The following RRAS2 variants were observed in gnomAD, a reference collection of about 807,000 sequenced individuals.
RRAS2 encodes RAS related 2, also known as ras-related protein R-Ras2.
Under a neutral mutation model 27.6 loss-of-function variants are expected in RRAS2, and 7 were observed. The ratio of observed to expected loss-of-function variants is 0.25; its 90% CI spans 0.14 to 0.48. The LOEUF (loss-of-function observed/expected upper bound fraction) is 0.48. Ranked by LOEUF, RRAS2 falls within the 20% of genes least tolerant of loss-of-function variation. RRAS2 has a pLI of 0.99. For missense variants in RRAS2, 178 were observed against 256.2 expected (o/e 0.69, Z 2.08); for synonymous variants, 86 against 90.9 (o/e 0.95, Z 0.31).
At chr11:14,326,476 T>C (rs1055556444) in intron 1 of RRAS2, among the ~76,000 whole-genome samples, 1 of 152,356 alleles carries the variant, frequency 6.6e-6, no homozygotes, top group Non-Finnish European at 1.5e-5. Context: ...ATGTGCTTTC[T>C]AACGCTAATG....
chr11:14,281,216 C>A (rs1849525517), intron 5 of RRAS2, among the ~76,000 whole-genome samples: 1 of 152,086 alleles, frequency 6.6e-6, no homozygotes. Context: ...TCTCTGTACC[C>A]CCATTTTCTC....
At chr11:14,344,809 C>T (rs1285185175) in intron 1 of RRAS2, among the ~76,000 whole-genome samples, 1 of 152,260 alleles carries the variant, frequency 6.6e-6, no homozygotes, top group South Asian at 2.1e-4. Flanking sequence ...TACGGATCAA[C>T]TTCTAAAACT....
At chr11:14,325,399 C>A (rs1848332034) in intron 1 of RRAS2, among the ~76,000 whole-genome samples, 1 of 151,434 alleles carries the variant, frequency 6.6e-6, no homozygotes, top group Non-Finnish European at 1.5e-5. Flanking sequence ...GCAAGCTCTG[C>A]CTCCCGGGTT....
chr11:14,362,969 C>A (rs1554956291), upstream of RRAS2, among the ~76,000 whole-genome samples: 1 of 152,240 alleles, frequency 6.6e-6, no homozygotes, highest in African/African-American at 2.4e-5. Flanking sequence ...AGAGCCAGAT[C>A]TAGCCAGCGC....
At chr11:14,305,532 A>T (rs1196324803) in intron 1 of RRAS2, among the ~76,000 whole-genome samples, 1 of 152,196 alleles carries the variant, frequency 6.6e-6, no homozygotes, top group African/African-American at 2.4e-5. Flanking sequence ...CAGCCTTCTC[A>T]GCCTGACCTA....
intron 1 of RRAS2, among the ~76,000 whole-genome samples, chr11:14,300,821 G>A (rs752700674): frequency 3.3e-5 from 5 of 152,240 alleles, no homozygotes; most frequent in East Asian, 1.9e-4. Context: ...TTGCCCTTCC[G>A]CCTTCAGTGG....
chr11:14,349,458 G>A (rs988936627), intron 1 of RRAS2, among the ~76,000 whole-genome samples: 5 of 151,698 alleles, frequency 3.3e-5, no homozygotes, highest in Admixed American at 2.0e-4. Context: ...CACCACACCC[G>A]GCCTATATCT....
In RRAS2 at chr11:14,358,156, C is replaced by T. The variant is rs1849121858; in HGVS notation, c.108+607G>A. On this transcript the variant is annotated intron_variant, in intron 1 of 5. Transcript: ENST00000256196. This position sits in a 1 kb window ranked among gnomAD's most constrained non-coding sequence, Gnocchi z 5.1. The stretch of plus-strand genomic sequence containing the variant: ...AACATTTTTAACTTCCTAGAAGCCA[C>T]CATTTCCCCGGGGCATTATCACACA... 1.1e-6 allele frequency: 1 copy of T among 917,858 alleles called. No individual in the cohort carries two copies. The highest frequency in any genetic ancestry group is 1.3e-6 in the Non-Finnish European group (1 of 768,424). 56.9% of individuals were successfully genotyped at this position (917,858 alleles called of 1,614,324 possible).
At chr11:14,285,664 T>C (rs540688412) in intron 4 of RRAS2, among the ~76,000 whole-genome samples, 1 of 152,340 alleles carries the variant, frequency 6.6e-6, no homozygotes, top group Admixed American at 6.5e-5. Flanking sequence ...GGGAAAAGTC[T>C]TTATTTCATC....
intron 1 of RRAS2, among the ~76,000 whole-genome samples, chr11:14,298,598 A>G (rs1487776243): frequency 6.6e-6 from 1 of 152,188 alleles, no homozygotes; most frequent in Non-Finnish European, 1.5e-5. Context: ...ATTAATTTTT[A>G]AGACAAATTC....
intron 1 of RRAS2, among the ~76,000 whole-genome samples, chr11:14,357,439 A>G (rs904485159): frequency 2.0e-5 from 3 of 152,218 alleles, no homozygotes; most frequent in Non-Finnish European, 4.4e-5. Context: ...GTAGCCTGCT[A>G]AACTTAAACC....
intron 1 of RRAS2, among the ~76,000 whole-genome samples, chr11:14,323,125 G>C (rs960346150): frequency 6.6e-6 from 1 of 152,068 alleles, no homozygotes; most frequent in Admixed American, 6.6e-5. Flanking sequence ...CATACGCCTA[G>C]AAAAATACAA....
upstream of RRAS2, among the ~76,000 whole-genome samples, chr11:14,359,728 A>G (rs146070632): frequency 3.3e-5 from 5 of 152,282 alleles, no homozygotes; most frequent in African/African-American, 1.2e-4. Context: ...ACAGTGTCAT[A>G]GTGGCTATGT....
intron 1 of RRAS2, among the ~76,000 whole-genome samples, chr11:14,301,605 CTT>C (rs1162278790): frequency 3.3e-5 from 5 of 152,318 alleles, no homozygotes; most frequent in African/African-American, 1.2e-4. Context: ...CATCAAATAA[CTT>C]TGCTAATCTG....
chr11:14,342,122 C>T lies in RRAS2; in HGVS notation c.108+16641G>A, dbSNP rs1262524688. 1.3e-5 allele frequency: 3 copies of T among 229,998 alleles called. No individual in the cohort carries two copies. The Admixed American group carries it at 1.6e-4, about 12-fold the overall frequency. The allele number at this position is 229,998 out of a possible 1,614,324, so 14.2% of individuals were successfully genotyped here. On this transcript the variant is annotated intron_variant, in intron 1 of 5. Coordinates refer to ENST00000256196, the MANE Select transcript of RRAS2 (RefSeq NM_012250.6). ...GTGAAACCTCACCCTTCCCTCTCCT[C>T]CTACCCCACTGCTCCTCCCAGATTC...
chr11:14,331,643 C>T (rs1233748011), intron 1 of RRAS2, among the ~76,000 whole-genome samples: 1 of 133,412 alleles, frequency 7.5e-6, no homozygotes, highest in African/African-American at 2.9e-5. Context: ...TCAAGTCCAG[C>T]GTAGGCAACA....
At chr11:14,342,175 G>A (rs1848725625) in intron 1 of RRAS2, 1 of 174,116 alleles carries the variant, frequency 5.7e-6, no homozygotes, top group East Asian at 1.5e-4. Context: ...ACATGACCAA[G>A]AACTTCAGAA....
chr11:14,350,990 A>T (rs1848938714), intron 1 of RRAS2, among the ~76,000 whole-genome samples: 1 of 152,208 alleles, frequency 6.6e-6, no homozygotes, highest in South Asian at 2.1e-4. Context: ...AACCTTGTAC[A>T]TGTGTATTTT....
At chr11:14,341,913 A>G in intron 1 of RRAS2, 1 of 444,208 alleles carries the variant, frequency 2.3e-6, no homozygotes, top group South Asian at 1.6e-5. Context: ...GAGGTAATCA[A>G]TATCCTGAAT....
Sources: gnomAD v4.1 joint callset for allele counts (sites outside exome capture counted in the v4.1 genomes callset) on GRCh38, gnomAD v4.1.1 for gene constraint, Gnocchi (gnomAD v3.1) non-coding constraint, MANE v1.5 for transcripts, NCBI Gene and HGNC (gene_info 2026-07-23, HGNC 2026-07-21) for gene names.